NEMP2: variants seen among roughly 807,000 people sequenced by gnomAD.
NEMP2 encodes nuclear envelope integral membrane protein 2, also known as UPF0571 transmembrane protein.
Under a neutral mutation model 54.2 loss-of-function variants are expected in NEMP2, and 53 were observed. The ratio of observed to expected loss-of-function variants is 0.98; its 90% CI spans 0.78 to 1.23. NEMP2 has a LOEUF of 1.23. Ranked by LOEUF, NEMP2 falls within the 50% of genes most tolerant of loss-of-function variation. NEMP2 has a pLI of 0.00. For synonymous variants in NEMP2, 197 were observed against 190.3 expected (o/e 1.04, Z -0.29); for missense variants, 455 against 511.3 (o/e 0.89, Z 1.06).
chr2:190,534,115 T>C (rs1691266597), intron 1 of NEMP2: 2 of 988,596 alleles, frequency 2.0e-6, no homozygotes, highest in African/African-American at 3.5e-5. Context: ...TTACCTTCTC[T>C]AGTCTTGAGA....
At chr2:190,496,579 C>A in the NEMP2 span, among the ~76,000 whole-genome samples, 1 of 152,038 alleles carries the variant, frequency 6.6e-6, no homozygotes. The surrounding 1 kb of genome is among the most constrained non-coding windows in gnomAD (Gnocchi z 4.7). Context: ...AGCCCAAATG[C>A]CCATCAATCA....
the NEMP2 span, among the ~76,000 whole-genome samples, chr2:190,450,644 C>T: frequency 6.6e-6 from 1 of 151,902 alleles, no homozygotes; most frequent in Admixed American, 6.6e-5. Flanking sequence ...AGGCATGTGC[C>T]ACCATGCCCA....
chr2:190,421,615 C>G, the NEMP2 span, among the ~76,000 whole-genome samples: 1 of 152,138 alleles, frequency 6.6e-6, no homozygotes, highest in African/African-American at 2.4e-5. Flanking sequence ...ACAGTTCTCA[C>G]CCTGTCACCC....
rs1289526612 is a variant in NEMP2 at position 190,507,073 on chromosome 2, G to A, written c.*2116C>T. 1 of 152,146 alleles carries A rather than the reference G, an allele frequency of 6.6e-6. No individual in the cohort carries two copies. Among genetic ancestry groups the A allele is most frequent in the African/African-American group, 2.4e-5 (1 of 41,424 alleles). The allele number at this position is 152,146 out of a possible 1,614,324, so 9.4% of individuals were successfully genotyped here. ...TTGATGGGGATTAGAATTGTGATCA[G>A]TACTATAATACACCCCCAAATCAAA... On this transcript the variant is annotated 3_prime_UTR_variant, in exon 9 of 9. Transcript: ENST00000409150. The surrounding 1 kb of genome is among the most constrained non-coding windows in gnomAD (Gnocchi z 4.4).
chr2:190,490,162 T>C, the NEMP2 span, among the ~76,000 whole-genome samples: 1 of 151,872 alleles, frequency 6.6e-6, no homozygotes, highest in African/African-American at 2.4e-5. This position sits in a 1 kb window ranked among gnomAD's most constrained non-coding sequence, Gnocchi z 4.5. Context: ...ATTCTAAAGG[T>C]TTTTCAAATT....
At chr2:190,434,188 AAAAAAAAG>A in the NEMP2 span, among the ~76,000 whole-genome samples, 1 of 151,292 alleles carries the variant, frequency 6.6e-6, no homozygotes, top group East Asian at 1.9e-4. The surrounding 1 kb of genome is among the most constrained non-coding windows in gnomAD (Gnocchi z 4.3). Context: ...CTCTCAAAAA[AAAAAAAAG>A]AAAAAAAAGA....
chr2:190,592,261 A>C, the NEMP2 span, among the ~76,000 whole-genome samples: 1 of 152,152 alleles, frequency 6.6e-6, no homozygotes, highest in African/African-American at 2.4e-5. This position sits in a 1 kb window ranked among gnomAD's most constrained non-coding sequence, Gnocchi z 4.4. Flanking sequence ...AAATGGTATC[A>C]CCTCACTGAG....
At chr2:190,516,483 T>C in intron 5 of NEMP2, 99 bp from the exon 6 acceptor site, 1 of 861,914 alleles carries the variant, frequency 1.2e-6, no homozygotes, top group Non-Finnish European at 1.8e-6. Flanking sequence ...AACTCCTACA[T>C]CAAACTGATT....
chr2:190,583,842 G>A, the NEMP2 span, among the ~76,000 whole-genome samples: 29 of 152,346 alleles, frequency 1.9e-4, no homozygotes, highest in African/African-American at 6.7e-4. Context: ...GTACTAAGAT[G>A]CTGGTGCCAA....
At chr2:190,481,057 A>G in the NEMP2 span, among the ~76,000 whole-genome samples, 9 of 152,332 alleles carry the variant, frequency 5.9e-5, no homozygotes, top group South Asian at 4.1e-4. Flanking sequence ...TCTTTGAGGA[A>G]GATAAGTGAA....
chr2:190,576,656 C>T, the NEMP2 span, among the ~76,000 whole-genome samples: 1 of 151,950 alleles, frequency 6.6e-6, no homozygotes, highest in Non-Finnish European at 1.5e-5. Context: ...GTTCTTTTCT[C>T]CACTTGTGCT....
At chr2:190,562,623 T>A in the NEMP2 span, among the ~76,000 whole-genome samples, 1 of 152,224 alleles carries the variant, frequency 6.6e-6, no homozygotes, top group Non-Finnish European at 1.5e-5. This position sits in a 1 kb window ranked among gnomAD's most constrained non-coding sequence, Gnocchi z 5.0. Context: ...CTGCAAAATA[T>A]GGGAAAATAT....
the NEMP2 span, among the ~76,000 whole-genome samples, chr2:190,584,937 AAGAAAGAAAG>A: frequency 6.8e-6 from 1 of 147,354 alleles, no homozygotes; most frequent in East Asian, 2.0e-4. The surrounding 1 kb of genome is among the most constrained non-coding windows in gnomAD (Gnocchi z 4.2). Context: ...GAAAGAAAGA[AAGAAAGAAAG>A]AAAGAAAGAA....
At chr2:190,432,916 G>C in the NEMP2 span, among the ~76,000 whole-genome samples, 1 of 147,718 alleles carries the variant, frequency 6.8e-6, no homozygotes, top group African/African-American at 2.5e-5. Context: ...ATCTAATATA[G>C]CTAACTCATG....
At chr2:190,546,666 A>G in the NEMP2 span, among the ~76,000 whole-genome samples, 1 of 151,566 alleles carries the variant, frequency 6.6e-6, no homozygotes, top group Non-Finnish European at 1.5e-5. The surrounding 1 kb of genome is among the most constrained non-coding windows in gnomAD (Gnocchi z 5.1). Flanking sequence ...CCCTACCCCC[A>G]CCCCCATTTT....
In NEMP2 at chr2:190,525,349, C is replaced by A. The variant is rs1690895380; in HGVS notation, c.127G>T (p.Asp43Tyr). 1.3e-6 allele frequency: 2 copies of A among 1,549,134 alleles called. No individual in the cohort carries two copies. The highest frequency in any genetic ancestry group is 1.7e-6 in the Non-Finnish European group (2 of 1,145,316). The change falls in exon 2 of 9, where the codon GAT (aspartate) becomes TAT (tyrosine). Residue 43 changes from aspartate (D) to tyrosine (Y), a missense_variant. By Grantham distance (160) the Asp-to-Tyr change is radical (BLOSUM62 -3). Transcript: ENST00000409150. This position sits in a 1 kb window ranked among gnomAD's most constrained non-coding sequence, Gnocchi z 5.0. The stretch of plus-strand genomic sequence containing the variant: ...TCTGACTCAGACGTTCTAATTAAAT[C>A]TTTTTCCTTCAAAGCTTTACACCTA... The part of the protein sequence containing the change: ...VRRCKALKEK[D>Y]LIRTSESDCY...
At chr2:190,496,092 C>T in the NEMP2 span, among the ~76,000 whole-genome samples, 5 of 151,448 alleles carry the variant, frequency 3.3e-5, no homozygotes, top group Non-Finnish European at 5.9e-5. This position sits in a 1 kb window ranked among gnomAD's most constrained non-coding sequence, Gnocchi z 4.7. Context: ...TCTATATATC[C>T]GACAAAGGAC....
At chr2:190,438,672 C>T in the NEMP2 span, among the ~76,000 whole-genome samples, 34 of 152,246 alleles carry the variant, frequency 2.2e-4, no homozygotes, top group African/African-American at 7.2e-4. This position sits in a 1 kb window ranked among gnomAD's most constrained non-coding sequence, Gnocchi z 5.2. Context: ...CAGAAAAGTA[C>T]GACATGTCTG....
chr2:190,454,911 G>C, the NEMP2 span, among the ~76,000 whole-genome samples: 1 of 146,690 alleles, frequency 6.8e-6, no homozygotes, highest in African/African-American at 2.6e-5. This position sits in a 1 kb window ranked among gnomAD's most constrained non-coding sequence, Gnocchi z 4.6. Flanking sequence ...TTTTCTGTAT[G>C]TATATGTGTT....
Sources: allele counts gnomAD v4.1 joint callset (sites outside exome capture counted in the v4.1 genomes callset), GRCh38; gene constraint gnomAD v4.1.1; non-coding constraint Gnocchi (gnomAD v3.1); transcripts MANE v1.5; gene names NCBI Gene and HGNC (gene_info 2026-07-23, HGNC 2026-07-21).